The following RB1CC1 variants were observed in gnomAD, a reference collection of about 807,000 sequenced individuals.
The protein encoded by RB1CC1 is RB1-inducible coiled-coil protein 1.
Under a neutral mutation model 177.5 loss-of-function variants are expected in RB1CC1, and 46 were observed. The observed-to-expected ratio is 0.26, with a 90% CI of 0.20 to 0.33. RB1CC1 has a LOEUF of 0.33. RB1CC1 is among the 10% of genes least tolerant of loss of function. RB1CC1 has a pLI of 1.00. For missense variants in RB1CC1, 1,703 were observed against 1,816.3 expected, an observed-to-expected ratio of 0.94 and a Z score of 1.13; for synonymous variants, 666 against 613.6, an observed-to-expected ratio of 1.09 and a Z score of -1.26.
intron 5 of RB1CC1, among the ~76,000 whole-genome samples, chr8:52,681,013 A>G (rs1280556398): frequency 1.0e-4 from 13 of 124,694 alleles, no homozygotes; most frequent in African/African-American, 3.4e-4. Flanking sequence ...TTTTTTTGAG[A>G]TGAAGTCTCA....
chr8:52,662,037 C>T (rs1206810715), intron 8 of RB1CC1, among the ~76,000 whole-genome samples: 1 of 151,956 alleles, frequency 6.6e-6, no homozygotes, highest in Non-Finnish European at 1.5e-5. Flanking sequence ...ATAACACTAT[C>T]GGTCAGTCAC....
chr8:52,641,929 T>C (rs892675299), intron 18 of RB1CC1, among the ~76,000 whole-genome samples: 8 of 152,022 alleles, frequency 5.3e-5, no homozygotes, highest in Admixed American at 2.0e-4. Context: ...TTCAATGTAA[T>C]GCAGTAAACA....
chr8:52,687,517 A>C (rs917792656), intron 1 of RB1CC1, among the ~76,000 whole-genome samples: 34 of 152,322 alleles, frequency 2.2e-4, no homozygotes, highest in Middle Eastern at 3.4e-3. Flanking sequence ...TCGTTACTTA[A>C]GATTATAACT....
intron 1 of RB1CC1, among the ~76,000 whole-genome samples, chr8:52,688,953 TGTG>T (rs1480156053): frequency 6.6e-6 from 1 of 152,000 alleles, no homozygotes; most frequent in African/African-American, 2.4e-5. Context: ...AAAGAAAAAA[TGTG>T]GTACTTGGCA....
Position 52,669,471 on chromosome 8 carries a change from C to A in RB1CC1, c.1003-1280G>T, listed in dbSNP as rs190212390. ...ACTGATTAATGCATAGAGTCTTGTA[C>A]ACAGAGAACATACAAAAGCAATTAA... is the stretch of plus-strand genomic sequence containing the variant. On this transcript the variant is annotated intron_variant, in intron 7 of 23. Coordinates refer to ENST00000025008, the MANE Select transcript of RB1CC1 (RefSeq NM_014781.5). Among the ~76,000 whole-genome samples, 155 of 152,254 alleles carry A rather than the reference C, an allele frequency of 1.0e-3. 1 individual carries two copies. The highest frequency in any genetic ancestry group is 3.4e-3 in the African/African-American group (143 of 41,558).
rs117576443 is a variant in RB1CC1 at position 52,671,736 on chromosome 8, C to T, written c.1002+2109G>A. Among the ~76,000 whole-genome samples, 86 of 152,210 alleles carry T rather than the reference C, an allele frequency of 5.7e-4. 2 individuals carry two copies. In the East Asian group the frequency reaches 7.3e-3, roughly 13 times the overall value. Reference sequence around the variant, plus strand: ...CATTTATTTTAAATTCTGGCATACACGTGCAGCATGTGCTGGTTTGTTACA... The same window carrying T: ...CATTTATTTTAAATTCTGGCATACATGTGCAGCATGTGCTGGTTTGTTACA... On this transcript the variant is annotated intron_variant, in intron 7 of 23. Transcript: ENST00000025008.
chr8:52,623,618 C>G lies in RB1CC1; in HGVS notation c.*164G>C. ...CAAGGATTCTGATGAATTTATTATT[C>G]CTAAAATGAAGCCAGTTAAAAAGTA... is the stretch of plus-strand genomic sequence containing the variant. On this transcript the variant is annotated 3_prime_UTR_variant, in exon 24 of 24. Coordinates refer to ENST00000025008, the MANE Select transcript of RB1CC1 (RefSeq NM_014781.5). 1.5e-6 allele frequency: 1 copy of G among 660,132 alleles called. No homozygotes were observed. The highest frequency in any genetic ancestry group is 1.6e-5 in the South Asian group (1 of 64,496). 40.9% of individuals were successfully genotyped at this position (660,132 alleles called of 1,614,324 possible). A position where few individuals can be genotyped will look rare whatever the true frequency, so the allele number is the denominator to read the frequency against.
rs148492143 is a variant in RB1CC1, at chr8:52,679,880, G to GA, written c.370-3310dup. On this transcript the variant is annotated intron_variant, in intron 5 of 23. Coordinates refer to ENST00000025008, the MANE Select transcript of RB1CC1 (RefSeq NM_014781.5). ...GTTACATACTTGCAAAAAGCCAAAGGAAAAAACGTGAGAAAAAGCCCTAGA... is the reference window on the plus strand; with the variant it reads ...GTTACATACTTGCAAAAAGCCAAAGGAAAAAAACGTGAGAAAAAGCCCTAGA... 9.1e-3 allele frequency among the ~76,000 whole-genome samples: 1,383 copies of GA among 152,078 alleles called. 23 individuals carry two copies. Among genetic ancestry groups the GA allele is most frequent in the African/African-American group, 0.031 (1,284 of 41,492 alleles).
intron 20 of RB1CC1, among the ~76,000 whole-genome samples, chr8:52,631,913 G>A (rs1848792030): frequency 6.6e-6 from 1 of 152,172 alleles, no homozygotes; most frequent in Non-Finnish European, 1.5e-5. Flanking sequence ...TACTACTCTG[G>A]TTAAACTGGG....
chr8:52,698,446 C>T (rs1239780629), intron 1 of RB1CC1, among the ~76,000 whole-genome samples: 1 of 151,614 alleles, frequency 6.6e-6, no homozygotes, highest in Non-Finnish European at 1.5e-5. Flanking sequence ...CCTCAGCCTC[C>T]CGAGTAGCTG....
intron 3 of RB1CC1, among the ~76,000 whole-genome samples, chr8:52,684,450 A>G (rs907623259): frequency 4.6e-5 from 7 of 152,174 alleles, no homozygotes; most frequent in African/African-American, 1.7e-4. Flanking sequence ...TATTTCACAC[A>G]CTATTTATAA....
intron 8 of RB1CC1, among the ~76,000 whole-genome samples, chr8:52,666,088 A>T (rs1475934965): frequency 1.3e-5 from 2 of 152,210 alleles, no homozygotes; most frequent in Non-Finnish European, 2.9e-5. Context: ...AACTGCCCAA[A>T]GCACATACCA....
intron 7 of RB1CC1, among the ~76,000 whole-genome samples, chr8:52,669,094 T>C (rs1257670348): frequency 6.6e-6 from 1 of 152,220 alleles, no homozygotes; most frequent in African/African-American, 2.4e-5. Flanking sequence ...ATTCTCAAAC[T>C]GTGTTTCTGA....
Position 52,661,019 on chromosome 8 carries a change from A to C in RB1CC1, c.1546-12T>G, listed in dbSNP as rs1026310354. 6.2e-7 allele frequency: 1 copy of C among 1,612,174 alleles called. No homozygotes were observed. The highest frequency in any genetic ancestry group is 8.5e-7 in the Non-Finnish European group (1 of 1,179,414). ...AAAGCACCAGCCCACTAGAAGAGGA[A>C]AGCTTATGTTAAACATAAACATACA... is the stretch of plus-strand genomic sequence containing the variant. On this transcript the variant is annotated splice_polypyrimidine_tract_variant and intron_variant, in intron 10 of 23. Coordinates refer to ENST00000025008, the MANE Select transcript of RB1CC1 (RefSeq NM_014781.5).
At chr8:52,666,344 C>T (rs1852065276) in intron 8 of RB1CC1, among the ~76,000 whole-genome samples, 1 of 151,930 alleles carries the variant, frequency 6.6e-6, no homozygotes, top group Admixed American at 6.6e-5. Flanking sequence ...CATGGAAAAA[C>T]CCTGTCTCCA....
rs776364154 is a variant in RB1CC1 at position 52,657,792 on chromosome 8, G to A, written c.2037C>T (p.Pro679=). 1 of 1,613,680 alleles carries A rather than the reference G, an allele frequency of 6.2e-7. No homozygotes were observed. Among genetic ancestry groups the A allele is most frequent in the Non-Finnish European group, 8.5e-7 (1 of 1,179,954 alleles). ...CTAAGGGACAAACTGCAGGACATAA[G>A]GGATCCTGAACAGTCAGTGGTGGAG... The part of the protein sequence containing the change: ...RTPPPLTVQD[P]LCPAVCPLEE... Residue 679 remains proline (P), a synonymous_variant, in exon 15 of 24, where the codon CCC becomes CCT. Transcript: ENST00000025008.
In RB1CC1 at chr8:52,674,015, T is replaced by C. The variant is rs748831350; in HGVS notation, c.832A>G (p.Ile278Val). The change falls in exon 7 of 24, where the codon ATT becomes GTT. Residue 278 changes from isoleucine to valine, a missense_variant. Ile to Val is a conservative substitution (Grantham distance 29, BLOSUM62 3). Coordinates refer to ENST00000025008, the MANE Select transcript of RB1CC1 (RefSeq NM_014781.5). The stretch of plus-strand genomic sequence containing the variant: ...ACAGTACTTTGACAAGATTCCCTAA[T>C]TTCTTTGCCACTTTCAGCATCTGCG... ...DTADAESGKE[I>V]RESCQSTVHQ... The C allele has an allele frequency of 4.3e-6, 7 of 1,614,200 alleles. No individual in the cohort carries two copies. Among genetic ancestry groups the C allele is most frequent in the Non-Finnish European group, 4.2e-6 (5 of 1,180,038 alleles).
intron 15 of RB1CC1, among the ~76,000 whole-genome samples, chr8:52,647,386 A>G (rs1850144763): frequency 6.6e-6 from 1 of 152,190 alleles, no homozygotes; most frequent in South Asian, 2.1e-4. Context: ...ATTCCATAAT[A>G]TAATTAATTA....
chr8:52,626,128 T>A (rs2150366877), intron 22 of RB1CC1, among the ~76,000 whole-genome samples: 1 of 151,970 alleles, frequency 6.6e-6, no homozygotes, highest in East Asian at 1.9e-4. Context: ...GCCAGAAGAG[T>A]AATGAGCCCC....
Sources: gnomAD v4.1 joint callset for allele counts (sites outside exome capture counted in the v4.1 genomes callset) on GRCh38, gnomAD v4.1.1 for gene constraint, MANE v1.5 for transcripts, NCBI Gene and HGNC (gene_info 2026-07-23, HGNC 2026-07-21) for gene names.